Variants in PANK2 observed in about 807,000 individuals in gnomAD.
PANK2 encodes the protein pantothenate kinase 2.
Under a neutral mutation model 43.1 loss-of-function variants are expected in PANK2, and 36 were observed. The observed-to-expected ratio is 0.84, with a 90% CI of 0.64 to 1.10. The LOEUF (loss-of-function observed/expected upper bound fraction) is 1.10. Ranked by LOEUF, PANK2 falls within the 50% of genes least tolerant of loss-of-function variation. The probability of loss-of-function intolerance (pLI) is 0.00; values close to 1 mark genes in which losing one functional copy is unlikely to be tolerated. For missense variants in PANK2, 576 were observed against 593.3 expected (o/e 0.97, Z 0.30); for synonymous variants, 281 against 238.2 (o/e 1.18, Z -1.66).
At position 3,906,598 on chromosome 20, in the gene PANK2, A is replaced by G. The variant is rs6052165; in HGVS notation, c.299-1328A>G. Among the ~76,000 whole-genome samples the G allele has an allele frequency of 5.5e-3, 844 of 152,344 alleles. 6 individuals carry two copies. The highest frequency in any genetic ancestry group is 0.019 in the African/African-American group (781 of 41,574). On this transcript the variant is annotated intron_variant, in intron 1 of 6. Transcript: ENST00000610179. The stretch of plus-strand genomic sequence containing the variant: ...GATTTAATAATGAATAATATAAAAG[A>G]TAATTATTTTACAATAAAATGTCGA...
At position 3,915,823 on chromosome 20, in the gene PANK2, T is replaced by C. The variant is rs374786351; in HGVS notation, c.1083-1104T>C. ...TTTACTCCTGGACTCTTAAGTTATG[T>C]TCCATTGATATATATGTCTGTTTTT... is the stretch of plus-strand genomic sequence containing the variant. On this transcript the variant is annotated intron_variant, in intron 4 of 6. Coordinates refer to ENST00000610179, the MANE Select transcript of PANK2 (RefSeq NM_001386393.1). Among the ~76,000 whole-genome samples, 63 of 152,334 alleles carry C rather than the reference T, an allele frequency of 4.1e-4. 1 individual carries two copies. In the South Asian group the frequency reaches 0.012, roughly 30 times the overall value.
Position 3,910,809 on chromosome 20 carries a change from A to G in PANK2, c.884A>G (p.Tyr295Cys). The stretch of plus-strand genomic sequence containing the variant: ...TTAGCAGTATATTCCAAAGATAATT[A>G]CAAACGGGTCACAGGTACTAGGTAA... The change falls in exon 3 of 7, where the codon TAC becomes TGC. Residue 295 changes from tyrosine (Y) to cysteine (C), a missense_variant. Around this residue, in one of 2 missense-constraint regions of PANK2, gnomAD observed 544 missense variants for 528.9 expected, o/e 1.03. Coordinates refer to ENST00000610179, the MANE Select transcript of PANK2 (RefSeq NM_001386393.1). The G allele has an allele frequency of 6.2e-7, 1 of 1,614,190 alleles. No homozygotes were observed. The highest frequency in any genetic ancestry group is 8.5e-7 in the Non-Finnish European group (1 of 1,180,020).
chr20:3,913,564 G>A (rs1184047554), intron 4 of PANK2, among the ~76,000 whole-genome samples: 1 of 151,908 alleles, frequency 6.6e-6, no homozygotes, highest in South Asian at 2.1e-4. Context: ...GGCAGGTCTC[G>A]AACTCAGGTG....
At chr20:3,900,331 C>T (rs1367854974) in intron 1 of PANK2, among the ~76,000 whole-genome samples, 1 of 151,550 alleles carries the variant, frequency 6.6e-6, no homozygotes, top group East Asian at 1.9e-4. Context: ...TGGAGGGGCA[C>T]CTCTTGTAAT....
rs1568598081 is a variant in PANK2 at position 3,927,949 on chromosome 20, T to G, written c.*4655T>G. 6.6e-6 allele frequency: 1 copy of G among 152,166 alleles called. No individual in the cohort carries two copies. Among genetic ancestry groups the G allele is most frequent in the South Asian group, 2.1e-4 (1 of 4,832 alleles). 9.4% of individuals were successfully genotyped at this position (152,166 alleles called of 1,614,324 possible). A position where few individuals can be genotyped will look rare whatever the true frequency, so the allele number is the denominator to read the frequency against. Reference sequence around the variant, plus strand: ...AGTACATCTTTGCATCTTGTAACAATTTGGGCTCTACAGCTGAATTGGCAA... The same window carrying G: ...AGTACATCTTTGCATCTTGTAACAAGTTGGGCTCTACAGCTGAATTGGCAA... On this transcript the variant is annotated 3_prime_UTR_variant, in exon 7 of 7. Transcript: ENST00000610179.
chr20:3,916,199 A>G (rs2090557141), intron 4 of PANK2, among the ~76,000 whole-genome samples: 1 of 152,172 alleles, frequency 6.6e-6, no homozygotes, highest in African/African-American at 2.4e-5. Context: ...TTATTCTCTA[A>G]TGCTATTATA....
chr20:3,927,714 C>G lies in PANK2; in HGVS notation c.*4420C>G, dbSNP rs1005962138. ...CACTTGCCACACCTGCTCCCCCGACCGGGGGCCTGGGAGGGAAGGGCAGAT... is the reference window on the plus strand; with the variant it reads ...CACTTGCCACACCTGCTCCCCCGACGGGGGGCCTGGGAGGGAAGGGCAGAT... On this transcript the variant is annotated 3_prime_UTR_variant, in exon 7 of 7. Coordinates refer to ENST00000610179, the MANE Select transcript of PANK2 (RefSeq NM_001386393.1). 6.6e-6 allele frequency: 1 copy of G among 152,246 alleles called. No homozygotes were observed. The highest frequency in any genetic ancestry group is 2.4e-5 in the African/African-American group (1 of 41,434). The allele number at this position is 152,246 out of a possible 1,614,324, so 9.4% of individuals were successfully genotyped here.
chr20:3,905,623 A>G (rs1411515703), intron 1 of PANK2, among the ~76,000 whole-genome samples: 2 of 151,854 alleles, frequency 1.3e-5, no homozygotes, highest in Non-Finnish European at 2.9e-5. Context: ...CTGGGATTAC[A>G]GGCGTGAGCC....
chr20:3,901,147 CTT>C (rs1310634267), intron 1 of PANK2, among the ~76,000 whole-genome samples: 1 of 151,948 alleles, frequency 6.6e-6, no homozygotes, highest in African/African-American at 2.4e-5. Context: ...GCCTCAAACT[CTT>C]GGGCTCAAGC....
At chr20:3,898,344 C>CAT (rs1454579288) in intron 1 of PANK2, among the ~76,000 whole-genome samples, 1 of 151,932 alleles carries the variant, frequency 6.6e-6, no homozygotes, top group Non-Finnish European at 1.5e-5. Flanking sequence ...GGATTACAGG[C>CAT]GCCCACCACC....
At chr20:3,910,294 G>GT (rs2090447464) in intron 2 of PANK2, among the ~76,000 whole-genome samples, 7 of 106,466 alleles carry the variant, frequency 6.6e-5, no homozygotes, top group East Asian at 4.2e-4. Context: ...TAAATGCTGT[G>GT]GTTTTTTTTT....
Position 3,889,680 on chromosome 20 carries a change from A to G in PANK2, c.250A>G (p.Thr84Ala). The change falls in exon 1 of 7, where the codon ACC becomes GCC. Residue 84 changes from threonine (T) to alanine (A), a missense_variant. Thr to Ala is a moderately conservative substitution (Grantham distance 58). Around this residue, in one of 2 missense-constraint regions of PANK2, gnomAD observed 544 missense variants for 528.9 expected, o/e 1.03. Transcript: ENST00000610179. ...TCGACTGGGCTCTTACAGCGGCCCC[A>G]CCTCGGTCTCCCGCCAGCGCGTCGA... 1 of 1,592,604 alleles carries G rather than the reference A, an allele frequency of 6.3e-7. No individual in the cohort carries two copies. Among genetic ancestry groups the G allele is most frequent in the Non-Finnish European group, 8.5e-7 (1 of 1,177,746 alleles).
intron 1 of PANK2, among the ~76,000 whole-genome samples, chr20:3,894,489 C>G (rs573155320): frequency 2.6e-5 from 4 of 152,264 alleles, no homozygotes; most frequent in African/African-American, 9.6e-5. Flanking sequence ...ATCTGCCCAC[C>G]TCAGCCTCCC....
chr20:3,898,139 A>T (rs567599704), intron 1 of PANK2, among the ~76,000 whole-genome samples: 24 of 152,302 alleles, frequency 1.6e-4, no homozygotes, highest in South Asian at 1.2e-3. Context: ...TGCATTACTG[A>T]GAAGAATCTC....
intron 6 of PANK2, among the ~76,000 whole-genome samples, chr20:3,922,758 T>C (rs570017616): frequency 3.4e-4 from 52 of 152,230 alleles, no homozygotes; most frequent in South Asian, 2.5e-3. Flanking sequence ...ATCCATCTTA[T>C]CTCTTACTCT....
chr20:3,889,166 G>A (rs144707315), upstream of PANK2: 2 of 1,602,240 alleles, frequency 1.2e-6, no homozygotes, highest in Admixed American at 3.4e-5. Flanking sequence ...TCTCTTCTGG[G>A]CTACACCGCC....
intron 1 of PANK2, among the ~76,000 whole-genome samples, chr20:3,892,350 A>AC (rs398121132): frequency 6.9e-6 from 1 of 145,436 alleles, no homozygotes; most frequent in East Asian, 1.9e-4. Context: ...CAAAAAAAAA[A>AC]CAAAAAAAAA....
chr20:3,889,311 C>A, upstream of PANK2: 1 of 1,596,968 alleles, frequency 6.3e-7, no homozygotes, highest in Non-Finnish European at 8.5e-7. Flanking sequence ...GGCCTTTGGG[C>A]CGTCCCCAGC....
rs1600568604 is a variant in PANK2 at position 3,917,624 on chromosome 20, A to G, written c.1206+574A>G. On this transcript the variant is annotated intron_variant, in intron 5 of 6. Transcript: ENST00000610179. ...ATCTAGGATCCAGTTGGTGCAGCTT[A>G]TGGCTTGTCCCTGTGTGTATAGTTG... is the stretch of plus-strand genomic sequence containing the variant. 6.2e-6 allele frequency: 3 copies of G among 482,788 alleles called. No individual in the cohort carries two copies. In the East Asian group the frequency reaches 1.7e-4, roughly 28 times the overall value. 29.9% of individuals were successfully genotyped at this position (482,788 alleles called of 1,614,324 possible).
Sources: allele counts gnomAD v4.1 joint callset (sites outside exome capture counted in the v4.1 genomes callset), GRCh38; gene constraint gnomAD v4.1.1; regional missense constraint gnomAD v4.1.1; transcripts MANE v1.5; gene names NCBI Gene and HGNC (gene_info 2026-07-23, HGNC 2026-07-21).